Variants in NELL2 observed in about 807,000 individuals in gnomAD.
The protein encoded by NELL2 is neural EGFL like 2.
NELL2 carries 41 observed loss-of-function variants against 109.6 expected under a neutral mutation model. The observed-to-expected ratio is 0.37, with a 90% confidence interval of 0.29 to 0.49. The LOEUF (loss-of-function observed/expected upper bound fraction) is 0.49. NELL2 is among the 20% of genes least tolerant of loss of function. NELL2 has a pLI of 0.98. For missense variants in NELL2, 900 were observed against 1,008.3 expected, an observed-to-expected ratio of 0.89 and a Z score of 1.45; for synonymous variants, 355 against 344.7, an observed-to-expected ratio of 1.03 and a Z score of -0.33.
chr12:44,775,327 T>G (rs868551452), intron 8 of NELL2, among the ~76,000 whole-genome samples: 1 of 148,554 alleles, frequency 6.7e-6, no homozygotes, highest in Middle Eastern at 3.4e-3. Context: ...TTGAATAAAC[T>G]GGATGAACTT....
chr12:44,726,138 C>A (rs57096185), intron 9 of NELL2, among the ~76,000 whole-genome samples: 11,328 of 151,818 alleles, frequency 0.075, 1,368 homozygotes, highest in African/African-American at 0.25. Flanking sequence ...AAAAAAATAA[C>A]AGTAGATATA....
chr12:44,637,219 T>C (rs1251517135), intron 13 of NELL2, among the ~76,000 whole-genome samples: 1 of 151,896 alleles, frequency 6.6e-6, no homozygotes, highest in Non-Finnish European at 1.5e-5. Context: ...CATTGATTTT[T>C]GAAGGGTTTT....
intron 13 of NELL2, among the ~76,000 whole-genome samples, chr12:44,640,796 G>A (rs1946826560): frequency 6.6e-6 from 1 of 152,016 alleles, no homozygotes; most frequent in South Asian, 2.1e-4. Flanking sequence ...GTTCAGTAAT[G>A]TTTTGGTTTT....
In NELL2 at chr12:44,709,033, C is replaced by T. The variant is rs118103752; in HGVS notation, c.1189+2259G>A. Among the ~76,000 whole-genome samples, 188 of 151,984 alleles carry T rather than the reference C, an allele frequency of 1.2e-3. 2 individuals carry two copies. In the East Asian group the frequency reaches 0.033, roughly 26 times the overall value. On this transcript the variant is annotated intron_variant, in intron 11 of 19. Transcript: ENST00000429094. ...AGGTTTCTCTTGATATCTTAAAGGCCCTATTTCAGCTTTTTACCCAAATCT... is the reference window on the plus strand; with the variant it reads ...AGGTTTCTCTTGATATCTTAAAGGCTCTATTTCAGCTTTTTACCCAAATCT...
At chr12:44,664,108 G>A (rs1947842000) in intron 13 of NELL2, among the ~76,000 whole-genome samples, 1 of 151,980 alleles carries the variant, frequency 6.6e-6, no homozygotes, top group Non-Finnish European at 1.5e-5. Context: ...CAATAGTATA[G>A]TAAATGATAT....
At chr12:44,875,041 G>GT in intron 2 of NELL2, 184 bp downstream of exon 2, 1 of 698,900 alleles carries the variant, frequency 1.4e-6, no homozygotes, top group South Asian at 2.2e-5. Context: ...GGAGAAGGGT[G>GT]AGGCAGGGGA....
At chr12:44,725,744 C>T (rs975721934) in intron 9 of NELL2, among the ~76,000 whole-genome samples, 1 of 152,088 alleles carries the variant, frequency 6.6e-6, no homozygotes, top group Admixed American at 6.5e-5. Flanking sequence ...CAAACTAACG[C>T]AGGAACAGAA....
intron 15 of NELL2, among the ~76,000 whole-genome samples, chr12:44,576,010 C>G (rs1944065566): frequency 1.3e-5 from 2 of 152,324 alleles, no homozygotes; most frequent in South Asian, 4.1e-4. Flanking sequence ...CCTCTGTGCT[C>G]CAGGCACATT....
intron 3 of NELL2, among the ~76,000 whole-genome samples, chr12:44,809,194 G>A (rs912656111): frequency 6.6e-6 from 1 of 151,982 alleles, no homozygotes; most frequent in African/African-American, 2.4e-5. Flanking sequence ...AGAAACTGCA[G>A]TTTTGTAAAA....
At chr12:44,815,913 G>C in intron 3 of NELL2, 73 bp downstream of exon 3, 4 of 1,503,244 alleles carry the variant, frequency 2.7e-6, no homozygotes, top group South Asian at 1.3e-5. Flanking sequence ...GAAAGCTTTT[G>C]TTTACTTCTC....
intron 12 of NELL2, among the ~76,000 whole-genome samples, chr12:44,688,016 C>G (rs1208164871): frequency 6.6e-6 from 1 of 152,134 alleles, no homozygotes; most frequent in Admixed American, 6.5e-5. Flanking sequence ...TAATAAACAA[C>G]TTCATGCAAT....
At chr12:44,859,363 G>A (rs1944772064) in intron 2 of NELL2, among the ~76,000 whole-genome samples, 1 of 152,158 alleles carries the variant, frequency 6.6e-6, no homozygotes, top group Non-Finnish European at 1.5e-5. Flanking sequence ...CCAACATGGT[G>A]AAACCCCGTC....
chr12:44,773,528 T>C lies in NELL2; in HGVS notation c.994+1219A>G, dbSNP rs766422191. Among the ~76,000 whole-genome samples the C allele has an allele frequency of 1.7e-3, 262 of 152,128 alleles. 5 individuals are homozygous for C. The highest frequency in any genetic ancestry group is 9.4e-4 in the Non-Finnish European group (64 of 68,018). On this transcript the variant is annotated intron_variant, in intron 9 of 19. Coordinates refer to ENST00000429094, the MANE Select transcript of NELL2 (RefSeq NM_001145108.2). ...AAAAGTATGATTCCTTGCTATTGTA[T>C]TATGAATATGAAGCCATATATGTAT...
intron 9 of NELL2, among the ~76,000 whole-genome samples, chr12:44,722,425 C>T (rs1432980527): frequency 6.6e-6 from 1 of 152,166 alleles, no homozygotes; most frequent in Admixed American, 6.5e-5. Context: ...CTTGACCTCC[C>T]AAAGTGCTGG....
intron 12 of NELL2, among the ~76,000 whole-genome samples, chr12:44,672,191 G>T (rs771703243): frequency 1.3e-5 from 2 of 152,292 alleles, no homozygotes; most frequent in African/African-American, 4.8e-5. Flanking sequence ...ATAGAACAGG[G>T]GTCCCCAACC....
rs117911424 is a variant in NELL2 at position 44,584,573 on chromosome 12, G to C, written c.1663+22596C>G. On this transcript the variant is annotated intron_variant, in intron 15 of 19. Transcript: ENST00000429094. The stretch of plus-strand genomic sequence containing the variant: ...CTGTTTGGCAAGGTTAGGGAAAAGA[G>C]ATTATTTAATTCATGTTTTACTGAT... Among the ~76,000 whole-genome samples the C allele has an allele frequency of 8.4e-3, 1,282 of 152,308 alleles. 7 individuals carry two copies. Among genetic ancestry groups the C allele is most frequent in the Non-Finnish European group, 0.014 (930 of 68,024 alleles).
At chr12:44,568,805 T>C (rs1943756628) in intron 15 of NELL2, among the ~76,000 whole-genome samples, 1 of 152,096 alleles carries the variant, frequency 6.6e-6, no homozygotes, top group Non-Finnish European at 1.5e-5. Context: ...ATATATAGCA[T>C]GCTGTAATAT....
In NELL2 at chr12:44,568,294, A is replaced by G. The variant is rs1379823900; in HGVS notation, c.1664-35573T>C. Reference sequence around the variant, plus strand: ...TCACATAATCACATAGTGAGAACCAACCTTAAGTAATGTGTTTCCAAATTA... The same window carrying G: ...TCACATAATCACATAGTGAGAACCAGCCTTAAGTAATGTGTTTCCAAATTA... On this transcript the variant is annotated intron_variant, in intron 15 of 19. Coordinates refer to ENST00000429094, the MANE Select transcript of NELL2 (RefSeq NM_001145108.2). Among the ~76,000 whole-genome samples, 3 of 152,276 alleles carry G rather than the reference A, an allele frequency of 2.0e-5. No individual in the cohort carries two copies. The East Asian group carries it at 5.8e-4, about 29-fold the overall frequency.
chr12:44,738,478 A>G (rs1194481285), intron 9 of NELL2, among the ~76,000 whole-genome samples: 1 of 123,592 alleles, frequency 8.1e-6, no homozygotes, highest in African/African-American at 4.7e-5. Flanking sequence ...TATTTATCTT[A>G]AAAAAAAAAA....
Sources: gnomAD v4.1 joint callset for allele counts (sites outside exome capture counted in the v4.1 genomes callset) on GRCh38, gnomAD v4.1.1 for gene constraint, MANE v1.5 for transcripts, NCBI Gene and HGNC (gene_info 2026-07-23, HGNC 2026-07-21) for gene names.